Variants in COPB1 observed in about 807,000 individuals in gnomAD.
COPB1 encodes coatomer subunit beta.
In COPB1, 21 loss-of-function variants were observed where a neutral mutation model predicts 108.7. That is an observed-to-expected ratio of 0.19 (90% CI 0.14 to 0.28). The LOEUF (loss-of-function observed/expected upper bound fraction) is 0.28, where lower values mean the gene tolerates loss of function less well. COPB1 is among the 10% of genes least tolerant of loss of function. The probability of loss-of-function intolerance (pLI) is 1.00; values close to 1 mark genes in which losing one functional copy is unlikely to be tolerated. For missense variants in COPB1, 919 were observed against 1,141.3 expected (o/e 0.81, Z 2.81); for synonymous variants, 378 against 386.8 (o/e 0.98, Z 0.27).
chr11:14,462,746 G>A (rs529484981), intron 18 of COPB1, among the ~76,000 whole-genome samples: 1 of 151,976 alleles, frequency 6.6e-6, no homozygotes, highest in South Asian at 2.1e-4. Context: ...TCCTGCTTTG[G>A]TCCAGGACCC....
rs780242730 is a variant in COPB1, at chr11:14,483,147, G to A, written c.842C>T (p.Ala281Val). 8 of 1,535,608 alleles carry A rather than the reference G, an allele frequency of 5.2e-6. No homozygotes were observed. The South Asian group carries it at 9.6e-5, about 18-fold the overall frequency. Residue 281 changes from alanine (A) to valine (V), a missense_variant, in exon 8 of 22, where the codon GCT becomes GTT. Physicochemically the swap from Ala to Val is moderately conservative, Grantham distance 64. Around this residue, in one of 5 missense-constraint regions of COPB1, gnomAD observed 705 missense variants for 817.8 expected, o/e 0.86. Transcript: ENST00000439561. ...LSSAPTAIKA[A>V]AQCYIDLIIK... ...AATTAAATCAATGTAACACTGAGCA[G>A]CAGCCTATATAAAAAAAGAAATACA...
intron 15 of COPB1, 92 bp from the exon 16 acceptor site, chr11:14,468,952 G>T (rs1850344506): frequency 9.4e-7 from 1 of 1,063,108 alleles, no homozygotes; most frequent in Non-Finnish European, 1.4e-6. Flanking sequence ...TATGAAAACT[G>T]AAAAATCAAC....
chr11:14,479,691 G>T lies in COPB1; in HGVS notation c.1236C>A (p.Asn412Lys). ...IPVLMEFLSD[N>K]NEAAAADVLE... ...AGACATCAGCAGCTGCTGCTTCGTT[G>T]TTGTCACTGAGAAATTCCATTAACT... is the stretch of plus-strand genomic sequence containing the variant. Residue 412 changes from asparagine to lysine, a missense_variant, in exon 11 of 22, where the codon AAC becomes AAA. Physicochemically the swap from Asn to Lys is moderately conservative, Grantham distance 94. Coordinates refer to ENST00000439561, the MANE Select transcript of COPB1 (RefSeq NM_001144061.2). 1.3e-6 allele frequency: 2 copies of T among 1,585,512 alleles called. No individual in the cohort carries two copies. The highest frequency in any genetic ancestry group is 1.7e-6 in the Non-Finnish European group (2 of 1,170,162).
At chr11:14,458,808 G>T (rs1850082169) in intron 20 of COPB1, 121 bp from the exon 21 acceptor site, 4 of 914,106 alleles carry the variant, frequency 4.4e-6, no homozygotes, top group African/African-American at 1.8e-5. Context: ...CTGTTGTCCA[G>T]CTTGGAGCTG....
At position 14,479,719 on chromosome 11, in the gene COPB1, A is replaced by C; in HGVS notation, c.1213-5T>G. 1 of 1,563,824 alleles carries C rather than the reference A, an allele frequency of 6.4e-7. No homozygotes were observed. The highest frequency in any genetic ancestry group is 8.6e-7 in the Non-Finnish European group (1 of 1,162,526). On this transcript the variant is annotated splice_region_variant and splice_polypyrimidine_tract_variant and intron_variant, in intron 10 of 21. Transcript: ENST00000439561. Reference sequence around the variant, plus strand: ...GTCACTGAGAAATTCCATTAACTAAAAGAAAAAAAAAAAAAAGAAAATGGA... The same window carrying C: ...GTCACTGAGAAATTCCATTAACTAACAGAAAAAAAAAAAAAAGAAAATGGA...
In COPB1 at chr11:14,480,756, T is replaced by A; in HGVS notation, c.1212+3A>T. ...CAAAATTAAAGTCATCAGAATTACA[T>A]ACCACAGGAATAACATTTGCAGCCA... On this transcript the variant is annotated splice_donor_region_variant and intron_variant, in intron 10 of 21. Transcript: ENST00000439561. 6.2e-7 allele frequency: 1 copy of A among 1,608,280 alleles called. No homozygotes were observed. Among genetic ancestry groups the A allele is most frequent in the Non-Finnish European group, 8.5e-7 (1 of 1,178,528 alleles).
In COPB1 at chr11:14,483,111, C is replaced by A; in HGVS notation, c.878G>T (p.Ser293Ile). The A allele has an allele frequency of 6.3e-7, 1 of 1,590,670 alleles. No individual in the cohort carries two copies. The highest frequency in any genetic ancestry group is 8.6e-7 in the Non-Finnish European group (1 of 1,161,734). ...QCYIDLIIKE[S>I]DNNVKLIVLD... ...AACTATGAGTTTTACATTGTTGTCG[C>A]TCTCCTTAATAATTAAATCAATGTA... Residue 293 changes from serine to isoleucine, a missense_variant, in exon 8 of 22, where the codon AGC becomes ATC. Physicochemically the swap from Ser to Ile is moderately radical, Grantham distance 142. This residue lies in a region of COPB1 where 705 missense variants were observed against 817.8 expected (regional missense o/e 0.86). Transcript: ENST00000439561.
intron 5 of COPB1, among the ~76,000 whole-genome samples, chr11:14,488,901 A>G (rs1485713548): frequency 6.6e-6 from 1 of 152,216 alleles, no homozygotes; most frequent in Non-Finnish European, 1.5e-5. Context: ...GTGTATAGTT[A>G]TTCCTATTAC....
At chr11:14,466,170 A>C in intron 17 of COPB1, 112 bp downstream of exon 17, 1 of 1,042,192 alleles carries the variant, frequency 9.6e-7, no homozygotes, top group Non-Finnish European at 1.3e-6. Context: ...TTGATTCAAA[A>C]TGTCAGAAAA....
intron 18 of COPB1, among the ~76,000 whole-genome samples, chr11:14,461,637 TG>T (rs1850154976): frequency 6.6e-6 from 1 of 152,198 alleles, no homozygotes; most frequent in African/African-American, 2.4e-5. Context: ...AGGCACACTT[TG>T]TTTTTTGTGG....
At position 14,480,888 on chromosome 11, in the gene COPB1, C is replaced by G; in HGVS notation, c.1083G>C (p.Lys361Asn). 1 of 1,613,918 alleles carries G rather than the reference C, an allele frequency of 6.2e-7. No individual in the cohort carries two copies. Among genetic ancestry groups the G allele is most frequent in the South Asian group, 1.1e-5 (1 of 91,038 alleles). ...CATTATTTGTTTTTATCACTTCCTT[C>G]TTCAGGACAATAACCAGCTTATAGA... ...RNVEELVIVL[K>N]KEVIKTNNVS... The change falls in exon 10 of 22, where the codon AAG (lysine) becomes AAC (asparagine). Residue 361 changes from lysine to asparagine, a missense_variant. Transcript: ENST00000439561.
chr11:14,461,443 A>AGTG, intron 18 of COPB1, 112 bp from the exon 19 acceptor site: 1 of 1,089,474 alleles, frequency 9.2e-7, no homozygotes, highest in Non-Finnish European at 1.3e-6. Flanking sequence ...GATTGTTTAT[A>AGTG]TAATACTTAT....
chr11:14,466,162 G>T, intron 17 of COPB1, 120 bp downstream of exon 17: 1 of 970,804 alleles, frequency 1.0e-6, no homozygotes, highest in Non-Finnish European at 1.5e-6. Flanking sequence ...ACTAAGCCTT[G>T]ATTCAAAATG....
intron 14 of COPB1, among the ~76,000 whole-genome samples, chr11:14,470,237 A>G (rs1192486927): frequency 6.6e-6 from 1 of 152,204 alleles, no homozygotes; most frequent in Admixed American, 6.5e-5. Flanking sequence ...AACTTTTTTA[A>G]AGAACTGAGG....
chr11:14,458,463 T>G, intron 21 of COPB1, 69 bp downstream of exon 21: 1 of 1,444,916 alleles, frequency 6.9e-7, no homozygotes, highest in Non-Finnish European at 9.3e-7. Context: ...CATATAGAAA[T>G]AATAAAGTCA....
intron 4 of COPB1, among the ~76,000 whole-genome samples, chr11:14,492,188 A>C (rs1431505355): frequency 6.6e-6 from 1 of 152,150 alleles, no homozygotes; most frequent in Non-Finnish European, 1.5e-5. Flanking sequence ...CACAAAATTA[A>C]TAATTTCCTA....
In COPB1 at chr11:14,469,452, G is replaced by A. The variant is rs751899671; in HGVS notation, c.1849C>T (p.Leu617Phe). 3 of 1,614,122 alleles carry A rather than the reference G, an allele frequency of 1.9e-6. No individual in the cohort carries two copies. In the Admixed American group the frequency reaches 5.0e-5, roughly 27 times the overall value. Residue 617 changes from leucine to phenylalanine, a missense_variant, in exon 15 of 22, where the codon CTC becomes TTC. Coordinates refer to ENST00000439561, the MANE Select transcript of COPB1 (RefSeq NM_001144061.2). ...DDDVDRISLC[L>F]KVLSECSPLM... The stretch of plus-strand genomic sequence containing the variant: ...GGTGAACATTCAGACAAGACCTTGA[G>A]GCACAGGGAAATTCGATCCACATCA...
chr11:14,490,775 T>A, intron 4 of COPB1, 96 bp from the exon 5 acceptor site: 1 of 672,382 alleles, frequency 1.5e-6, no homozygotes, highest in Non-Finnish European at 2.5e-6. Flanking sequence ...TTAATCAAAC[T>A]TTACAACATA....
At chr11:14,473,710 T>C (rs546287307) in intron 14 of COPB1, among the ~76,000 whole-genome samples, 19 of 152,116 alleles carry the variant, frequency 1.2e-4, no homozygotes, top group Non-Finnish European at 2.4e-4. Context: ...GTAATAATAA[T>C]GAAAAAGTTT....
Sources: allele counts gnomAD v4.1 joint callset (sites outside exome capture counted in the v4.1 genomes callset), GRCh38; gene constraint gnomAD v4.1.1; regional missense constraint gnomAD v4.1.1; transcripts MANE v1.5; gene names NCBI Gene and HGNC (gene_info 2026-07-23, HGNC 2026-07-21).